The following PNPLA7 variants were observed in gnomAD, a reference collection of about 807,000 sequenced individuals.
The protein encoded by PNPLA7 is patatin-like phospholipase domain-containing protein 7.
PNPLA7 carries 153 observed loss-of-function variants against 161.7 expected under a neutral mutation model. That is an observed-to-expected ratio of 0.95 (90% CI 0.83 to 1.08). The LOEUF is 1.08. Among genes scored for constraint, PNPLA7 ranks in the 50% least tolerant of loss-of-function variants. PNPLA7 has a pLI of 0.00. For missense variants in PNPLA7, 1,739 were observed against 1,856.6 expected (o/e 0.94, Z 1.16); for synonymous variants, 809 against 782.1 (o/e 1.03, Z -0.57).
At position 137,500,869 on chromosome 9, in the gene PNPLA7, C is replaced by T; in HGVS notation, c.1579G>A (p.Gly527Arg). ...QDASILFVVSGLLHVYQRKIG... is the reference protein window; with the variant it reads ...QDASILFVVSRLLHVYQRKIG... Reference sequence around the variant, plus strand: ...TTCCGCTGGTACACGTGCAGCAGCCCCGAGACCACGAACAGGATGCTGGCG... The same window carrying T: ...TTCCGCTGGTACACGTGCAGCAGCCTCGAGACCACGAACAGGATGCTGGCG... Residue 527 changes from glycine (G) to arginine (R), a missense_variant, in exon 16 of 35, where the codon GGG becomes AGG. Gly to Arg is a moderately radical substitution (Grantham distance 125, BLOSUM62 -2). Transcript: ENST00000406427. The surrounding 1 kb of genome is among the most constrained non-coding windows in gnomAD (Gnocchi z 5.5). 1.9e-6 allele frequency: 3 copies of T among 1,584,466 alleles called. No homozygotes were observed. The highest frequency in any genetic ancestry group is 2.3e-5 in the East Asian group (1 of 43,876).
intron 8 of PNPLA7, among the ~76,000 whole-genome samples, chr9:137,528,151 G>A (rs1835395007): frequency 6.6e-6 from 1 of 152,108 alleles, no homozygotes; most frequent in Non-Finnish European, 1.5e-5. Context: ...CACTAGTCTG[G>A]CTGGAGGATT....
intron 8 of PNPLA7, among the ~76,000 whole-genome samples, chr9:137,536,866 C>A (rs1398825085): frequency 6.7e-6 from 1 of 149,150 alleles, no homozygotes; most frequent in African/African-American, 2.5e-5. Context: ...TCTCCCACGA[C>A]AGGAAGCATG....
At chr9:137,484,564 G>A (rs759727627) in intron 21 of PNPLA7, 23 bp downstream of exon 21, 2 of 1,567,042 alleles carry the variant, frequency 1.3e-6, no homozygotes, top group Non-Finnish European at 8.7e-7. Context: ...AGGATGGCTG[G>A]AGGCTGGGAG....
rs1326360205 is a variant in PNPLA7 at position 137,505,988 on chromosome 9, T to A, written c.1321A>T (p.Ser441Cys). ...GAATGACAGCCAGGGCCTACCTTGC[T>A]GGCCACGGAGCTCCCGGGGTGCTCG... ...SDEHPGSSVA[S>C]KSRKSVMVAE... Residue 441 changes from serine to cysteine, a missense_variant, in exon 13 of 35, where the codon AGC becomes TGC. Coordinates refer to ENST00000406427, the MANE Select transcript of PNPLA7 (RefSeq NM_001098537.3). 5 of 1,609,342 alleles carry A rather than the reference T, an allele frequency of 3.1e-6. No individual in the cohort carries two copies. The highest frequency in any genetic ancestry group is 4.2e-6 in the Non-Finnish European group (5 of 1,178,240).
chr9:137,493,861 G>A (rs1035486210), intron 19 of PNPLA7, among the ~76,000 whole-genome samples: 2 of 152,206 alleles, frequency 1.3e-5, no homozygotes, highest in South Asian at 2.1e-4. Context: ...CACATGCTCC[G>A]CCAGGCTCTC....
chr9:137,500,245 A>G lies in PNPLA7; in HGVS notation c.1757+446T>C, dbSNP rs1200598535. 1.3e-5 allele frequency among the ~76,000 whole-genome samples: 2 copies of G among 152,208 alleles called. No individual in the cohort carries two copies. Among genetic ancestry groups the G allele is most frequent in the Non-Finnish European group, 2.9e-5 (2 of 68,032 alleles). On this transcript the variant is annotated intron_variant, in intron 16 of 34. Transcript: ENST00000406427. This position sits in a 1 kb window ranked among gnomAD's most constrained non-coding sequence, Gnocchi z 5.5. ...TCCCCCGAGCCAGAGACGCGTCCTC[A>G]CCCACTGCCTTGCCCTTCCACCTCC... is the stretch of plus-strand genomic sequence containing the variant.
intron 26 of PNPLA7, among the ~76,000 whole-genome samples, chr9:137,465,153 C>T (rs1359722651): frequency 6.6e-6 from 1 of 152,156 alleles, no homozygotes; most frequent in Non-Finnish European, 1.5e-5. Flanking sequence ...GCTGGACGTG[C>T]TTACACCGTG....
chr9:137,500,874 A>T lies in PNPLA7; in HGVS notation c.1574T>A (p.Val525Asp). 1 of 1,581,188 alleles carries T rather than the reference A, an allele frequency of 6.3e-7. No homozygotes were observed. The highest frequency in any genetic ancestry group is 2.3e-5 in the East Asian group (1 of 43,800). ...CTGGTACACGTGCAGCAGCCCCGAG[A>T]CCACGAACAGGATGCTGGCGTCCTG... ...GDQDASILFVVSGLLHVYQRK... is the reference protein window; with the variant it reads ...GDQDASILFVDSGLLHVYQRK... Residue 525 changes from valine (V) to aspartate (D), a missense_variant, in exon 16 of 35, where the codon GTC becomes GAC. Coordinates refer to ENST00000406427, the MANE Select transcript of PNPLA7 (RefSeq NM_001098537.3). The surrounding 1 kb of genome is among the most constrained non-coding windows in gnomAD (Gnocchi z 5.5).
chr9:137,464,082 C>T, intron 28 of PNPLA7, 44 bp downstream of exon 28: 1 of 1,596,092 alleles, frequency 6.3e-7, no homozygotes, highest in Admixed American at 1.7e-5. Context: ...CCCCTGCCCA[C>T]ACCTCGCACC....
intron 11 of PNPLA7, among the ~76,000 whole-genome samples, chr9:137,516,054 C>T (rs1588657912): frequency 2.8e-4 from 1 of 3,556 alleles, no homozygotes; most frequent in African/African-American, 1.6e-3. Flanking sequence ...CCTCCCCACC[C>T]CAATCCCTCC....
rs577456506 is a variant in PNPLA7 at position 137,537,773 on chromosome 9, T to G, written c.747+2869A>C. Among the ~76,000 whole-genome samples, 1 of 152,294 alleles carries G rather than the reference T, an allele frequency of 6.6e-6. No homozygotes were observed. The highest frequency in any genetic ancestry group is 2.4e-5 in the African/African-American group (1 of 41,540). The stretch of plus-strand genomic sequence containing the variant: ...CAGCTCCCCTCTCCTGGAACAGGCA[T>G]GGCTGCACTGTGATAAGTGAGGCCC... On this transcript the variant is annotated intron_variant, in intron 8 of 34. Coordinates refer to ENST00000406427, the MANE Select transcript of PNPLA7 (RefSeq NM_001098537.3). This position sits in a 1 kb window ranked among gnomAD's most constrained non-coding sequence, Gnocchi z 4.5.
chr9:137,484,638 C>T lies in PNPLA7; in HGVS notation c.2296G>A (p.Val766Met). The T allele has an allele frequency of 6.2e-7, 1 of 1,612,608 alleles. No individual in the cohort carries two copies. The highest frequency in any genetic ancestry group is 2.2e-5 in the East Asian group (1 of 44,830). The change falls in exon 21 of 35, where the codon GTG becomes ATG. Residue 766 changes from valine to methionine, a missense_variant. Physicochemically the swap from Val to Met is conservative, Grantham distance 21. Around this residue, in one of 6 missense-constraint regions of PNPLA7, gnomAD observed 192 missense variants for 249.5 expected, o/e 0.77. Transcript: ENST00000406427. Reference protein sequence around the residue: ...TVAVMPVSEEVPLTAFALELE... With the variant: ...TVAVMPVSEEMPLTAFALELE... ...TCCAGGGCGAAGGCGGTGAGGGGCA[C>T]TTCCTCTGACACGGGCATCACTGCC...
chr9:137,462,616 CCGCAGGACAGGTGTGGAGCTGCAGGGAG>C, intron 30 of PNPLA7, 41 bp downstream of exon 30: 1 of 1,567,500 alleles, frequency 6.4e-7, no homozygotes, highest in South Asian at 1.2e-5. Context: ...CACTCCCCTG[CCGCAGGACAGGTGTGGAGCTGCAGGGAG>C]GAGCAGCAGG....
intron 12 of PNPLA7, among the ~76,000 whole-genome samples, chr9:137,510,629 A>G (rs532104953): frequency 2.6e-5 from 4 of 152,178 alleles, no homozygotes; most frequent in African/African-American, 9.6e-5. Flanking sequence ...GGGCCACTAC[A>G]GGTCTCTGCA....
At chr9:137,517,988 T>G (rs1186776063) in intron 11 of PNPLA7, among the ~76,000 whole-genome samples, 13 of 97,140 alleles carry the variant, frequency 1.3e-4, no homozygotes, top group Admixed American at 1.1e-3. Context: ...CCCCACTCAC[T>G]CACTCCACTC....
chr9:137,522,015 G>A (rs953076373), intron 9 of PNPLA7, among the ~76,000 whole-genome samples: 1 of 152,214 alleles, frequency 6.6e-6, no homozygotes, highest in Non-Finnish European at 1.5e-5. Flanking sequence ...CTCTTTGGGG[G>A]TAGTGAGGGA....
rs1588675981 is a variant in PNPLA7 at position 137,522,732 on chromosome 9, C to T, written c.873G>A (p.Val291=). Residue 291 remains valine (V), a synonymous_variant, in exon 9 of 35, where the codon GTG becomes GTA. Transcript: ENST00000406427. ...GTTGTCTGAAAAAGTGACTCACCTGCACCACCCTCACCAGAGTTTCCGGAT... is the reference window on the plus strand; with the variant it reads ...GTTGTCTGAAAAAGTGACTCACCTGTACCACCCTCACCAGAGTTTCCGGAT... The part of the protein sequence containing the change: ...EKYPETLVRV[V]QIIMVRLQRV... 1 of 1,613,418 alleles carries T rather than the reference C, an allele frequency of 6.2e-7. No individual in the cohort carries two copies. The highest frequency in any genetic ancestry group is 8.5e-7 in the Non-Finnish European group (1 of 1,179,818).
rs751690385 is a variant in PNPLA7 at position 137,540,392 on chromosome 9, C to G, written c.747+250G>C. On this transcript the variant is annotated intron_variant, in intron 8 of 34. Transcript: ENST00000406427. The surrounding 1 kb of genome is among the most constrained non-coding windows in gnomAD (Gnocchi z 5.1). The stretch of plus-strand genomic sequence containing the variant: ...TGCTGAACCACATGCATTTATGACC[C>G]AGTTCAACAACAGTCATTTAAGAGA... Among the ~76,000 whole-genome samples the G allele has an allele frequency of 2.6e-5, 4 of 152,208 alleles. No individual in the cohort carries two copies. The highest frequency in any genetic ancestry group is 4.4e-5 in the Non-Finnish European group (3 of 68,040).
chr9:137,543,506 C>T lies in PNPLA7; in HGVS notation c.432G>A (p.Glu144=). ...QPKEPPPSLL[E]ADLTEFDVKN... ...TCACGTCAAACTCCGTGAGGTCGGCCTCCAGCAGGGAGGGCGGGGGCTCCT... is the reference window on the plus strand; with the variant it reads ...TCACGTCAAACTCCGTGAGGTCGGCTTCCAGCAGGGAGGGCGGGGGCTCCT... Residue 144 remains glutamate, a synonymous_variant, in exon 6 of 35, where the codon GAG becomes GAA. Coordinates refer to ENST00000406427, the MANE Select transcript of PNPLA7 (RefSeq NM_001098537.3). The surrounding 1 kb of genome is among the most constrained non-coding windows in gnomAD (Gnocchi z 6.9). 6.2e-7 allele frequency: 1 copy of T among 1,614,122 alleles called. No individual in the cohort carries two copies. The highest frequency in any genetic ancestry group is 8.5e-7 in the Non-Finnish European group (1 of 1,180,030).
Sources: gnomAD v4.1 joint callset for allele counts (sites outside exome capture counted in the v4.1 genomes callset) on GRCh38, gnomAD v4.1.1 for gene constraint, gnomAD v4.1.1 regional missense constraint, Gnocchi (gnomAD v3.1) non-coding constraint, MANE v1.5 for transcripts, NCBI Gene and HGNC (gene_info 2026-07-23, HGNC 2026-07-21) for gene names.